The following METAP1 variants were observed in gnomAD, a reference collection of about 807,000 sequenced individuals.
METAP1 encodes the protein methionine aminopeptidase 1.
In METAP1, 28 loss-of-function variants were observed where a neutral mutation model predicts 53.8. The ratio of observed to expected loss-of-function variants is 0.52; its 90% CI spans 0.39 to 0.71. The LOEUF (loss-of-function observed/expected upper bound fraction) is 0.71, where lower values mean the gene tolerates loss of function less well. Among genes scored for constraint, METAP1 ranks in the 30% least tolerant of loss-of-function variants. The pLI, the probability that METAP1 is intolerant of heterozygous loss-of-function variation, is 0.00. For missense variants in METAP1, 389 were observed against 479.8 expected (o/e 0.81, Z 1.77); for synonymous variants, 181 against 165.7 (o/e 1.09, Z -0.71).
At chr4:99,009,810 A>G (rs901438438) in intron 1 of METAP1, among the ~76,000 whole-genome samples, 10 of 152,226 alleles carry the variant, frequency 6.6e-5, no homozygotes, top group Non-Finnish European at 1.2e-4. Context: ...CTTTTCTCCT[A>G]TTCCATAGGT....
intron 9 of METAP1, among the ~76,000 whole-genome samples, chr4:99,051,483 G>A (rs552560353): frequency 8.6e-5 from 13 of 151,908 alleles, no homozygotes; most frequent in Non-Finnish European, 8.8e-5. Context: ...CTTGACCTCC[G>A]AGAGCTCAAG....
At chr4:99,040,886 T>TA (rs1402791010) in intron 5 of METAP1, among the ~76,000 whole-genome samples, 157 bp from the exon 6 acceptor site, 10 of 151,114 alleles carry the variant, frequency 6.6e-5, no homozygotes, top group Admixed American at 6.6e-4. Flanking sequence ...TGTTTGTTTT[T>TA]ATGTATTTAC....
At chr4:99,000,073 A>T (rs1229279989) in intron 1 of METAP1, among the ~76,000 whole-genome samples, 2 of 152,248 alleles carry the variant, frequency 1.3e-5, no homozygotes, top group Non-Finnish European at 2.9e-5. Context: ...AAGAAAAGAC[A>T]TCAGTGGGCT....
intron 9 of METAP1, among the ~76,000 whole-genome samples, chr4:99,052,775 C>T (rs1408713171): frequency 6.6e-6 from 1 of 152,210 alleles, no homozygotes; most frequent in East Asian, 1.9e-4. Context: ...TTGATTGACT[C>T]TTCCTTTCAC....
At chr4:99,013,066 G>A (rs2110290004) in intron 1 of METAP1, among the ~76,000 whole-genome samples, 1 of 152,206 alleles carries the variant, frequency 6.6e-6, no homozygotes, top group Admixed American at 6.5e-5. Flanking sequence ...AAATGTTTTT[G>A]TTTTTATTTG....
intron 1 of METAP1, chr4:99,025,628 C>A: frequency 3.0e-6 from 1 of 336,154 alleles, no homozygotes; most frequent in Non-Finnish European, 4.2e-6. Context: ...TTTGAACTGC[C>A]AACCACCCTG....
intron 1 of METAP1, among the ~76,000 whole-genome samples, chr4:99,012,757 A>C (rs1230176): frequency 1.3e-5 from 2 of 150,730 alleles, no homozygotes; most frequent in Non-Finnish European, 2.9e-5. Context: ...TCTTGAAAAC[A>C]TGTACCCAAG....
chr4:99,015,620 G>A (rs527910386), intron 1 of METAP1, among the ~76,000 whole-genome samples: 1 of 152,286 alleles, frequency 6.6e-6, no homozygotes, highest in African/African-American at 2.4e-5. Flanking sequence ...GCTGCCATTC[G>A]GTGGGAATGA....
chr4:98,999,559 G>A (rs1382287442), intron 1 of METAP1, among the ~76,000 whole-genome samples: 2 of 141,390 alleles, frequency 1.4e-5, no homozygotes, highest in African/African-American at 5.4e-5. Context: ...CACCCAGGCT[G>A]GAGTGCAGTG....
chr4:99,031,630 C>CAAAGAA lies in METAP1; in HGVS notation c.167-2599_167-2598insAAGAAA, dbSNP rs1290447702. ...TGTGTGAGGATTAAATAAAGAAATC[C>CAAAGAA]ATGAGAAGTGCTTAGCATGTGTACC... On this transcript the variant is annotated intron_variant, in intron 2 of 10. Coordinates refer to ENST00000296411, the MANE Select transcript of METAP1 (RefSeq NM_015143.3). 4.9e-6 allele frequency: 6 copies of CAAAGAA among 1,231,674 alleles called. No individual in the cohort carries two copies. The African/African-American group carries it at 6.2e-5, about 13-fold the overall frequency. The allele number at this position is 1,231,674 out of a possible 1,614,324, so 76.3% of individuals were successfully genotyped here. A position where few individuals can be genotyped will look rare whatever the true frequency, so the allele number is the denominator to read the frequency against.
intron 1 of METAP1, among the ~76,000 whole-genome samples, chr4:99,021,704 A>T (rs1724120324): frequency 6.6e-6 from 1 of 152,166 alleles, no homozygotes; most frequent in Non-Finnish European, 1.5e-5. Flanking sequence ...TCCCGTTCCC[A>T]TTGGCTGGGA....
intron 1 of METAP1, among the ~76,000 whole-genome samples, chr4:99,001,796 A>G (rs1722939592): frequency 2.0e-5 from 3 of 152,236 alleles, no homozygotes; most frequent in South Asian, 4.1e-4. Flanking sequence ...GAATTGAACT[A>G]TCCTAAGCTA....
chr4:99,005,656 A>C (rs1723141962), intron 1 of METAP1: 1 of 276,446 alleles, frequency 3.6e-6, no homozygotes, highest in Non-Finnish European at 7.3e-6. Context: ...AATTGCAAAG[A>C]TAGGGAACCA....
At chr4:99,019,799 T>G (rs1723977958) in intron 1 of METAP1, among the ~76,000 whole-genome samples, 1 of 152,206 alleles carries the variant, frequency 6.6e-6, no homozygotes, top group African/African-American at 2.4e-5. Context: ...GGCCAACTAT[T>G]GGTAACAAAA....
chr4:99,011,882 G>T (rs1006703934), intron 1 of METAP1, among the ~76,000 whole-genome samples: 4 of 152,204 alleles, frequency 2.6e-5, no homozygotes, highest in Non-Finnish European at 5.9e-5. Flanking sequence ...GGAGGTTGCG[G>T]TGAGCAGAGA....
At chr4:99,035,645 C>A (rs142088288) in intron 4 of METAP1, among the ~76,000 whole-genome samples, 185 bp downstream of exon 4, 57 of 152,246 alleles carry the variant, frequency 3.7e-4, no homozygotes, top group African/African-American at 1.3e-3. Flanking sequence ...CTACCTACCT[C>A]TGAAAACACT....
At chr4:99,000,005 T>C (rs1722846001) in intron 1 of METAP1, among the ~76,000 whole-genome samples, 1 of 152,244 alleles carries the variant, frequency 6.6e-6, no homozygotes, top group African/African-American at 2.4e-5. Flanking sequence ...TGTGTTTTAC[T>C]CATTTTTGTA....
chr4:99,034,394 A>G (rs951611231), intron 3 of METAP1, 52 bp downstream of exon 3: 6 of 1,036,994 alleles, frequency 5.8e-6, no homozygotes, highest in Non-Finnish European at 8.8e-6. Context: ...TTTTCCAAAA[A>G]TGATACTCGT....
At chr4:99,035,248 G>A (rs1429336515) in intron 3 of METAP1, among the ~76,000 whole-genome samples, 152 bp from the exon 4 acceptor site, 5 of 152,160 alleles carry the variant, frequency 3.3e-5, no homozygotes, top group African/African-American at 9.7e-5. Flanking sequence ...TTACCACTAG[G>A]AAAAGTAAAG....
Sources: allele counts gnomAD v4.1 joint callset (sites outside exome capture counted in the v4.1 genomes callset), GRCh38; gene constraint gnomAD v4.1.1; transcripts MANE v1.5; gene names NCBI Gene and HGNC (gene_info 2026-07-23, HGNC 2026-07-21).